Variants in KCNN3 observed in about 807,000 individuals in gnomAD.
The protein encoded by KCNN3 is potassium calcium-activated channel subfamily N member 3, also known as small conductance calcium-activated potassium channel protein 3.
Under a neutral mutation model 62.9 loss-of-function variants are expected in KCNN3, and 16 were observed. That is an observed-to-expected ratio of 0.25 (90% CI 0.17 to 0.39). The LOEUF is 0.39. Among genes scored for constraint, KCNN3 ranks in the 10% least tolerant of loss-of-function variants. The pLI is 1.00. For missense variants in KCNN3, 599 were observed against 949.4 expected (o/e 0.63, Z 4.85); for synonymous variants, 370 against 389.2 (o/e 0.95, Z 0.58).
At chr1:154,712,153 C>T (rs546648989) in intron 7 of KCNN3, among the ~76,000 whole-genome samples, 1 of 152,144 alleles carries the variant, frequency 6.6e-6, no homozygotes, top group Non-Finnish European at 1.5e-5. Context: ...AGGTCTAGTT[C>T]GAGTCAGTTC....
chr1:154,826,061 ACAAAAACAAAAACAAAAAC>A lies in KCNN3; in HGVS notation c.934-3896_934-3878del, dbSNP rs1176986224. Among the ~76,000 whole-genome samples, 36 of 86,758 alleles carry A rather than the reference ACAAAAACAAAAACAAAAAC, an allele frequency of 4.1e-4. 1 individual carries two copies. Among genetic ancestry groups the A allele is most frequent in the African/African-American group, 1.6e-3 (35 of 21,238 alleles). The allele number at this position is 86,758 out of a possible 152,430, so 56.9% of individuals were successfully genotyped here. A position where few individuals can be genotyped will look rare whatever the true frequency, so the allele number is the denominator to read the frequency against. ...GACTCCATCTTAAAAAAAAACAAAA[ACAAAAACAAAAACAAAAAC>A]AAAAACAAAAAAAACCAAAAAACAC... On this transcript the variant is annotated intron_variant, in intron 1 of 7. Transcript: ENST00000271915.
At chr1:154,736,901 A>G in intron 3 of KCNN3, 1 of 639,608 alleles carries the variant, frequency 1.6e-6, no homozygotes. Flanking sequence ...GAAGATCTTG[A>G]GAGTGTCCTT....
At chr1:154,842,898 C>T (rs1000465523) in intron 1 of KCNN3, among the ~76,000 whole-genome samples, 1 of 152,172 alleles carries the variant, frequency 6.6e-6, no homozygotes, top group African/African-American at 2.4e-5. Context: ...TTGCCACTTC[C>T]TCGCCATGTG....
chr1:154,815,434 C>T (rs1650623919), intron 2 of KCNN3, among the ~76,000 whole-genome samples: 1 of 152,208 alleles, frequency 6.6e-6, no homozygotes, highest in Admixed American at 6.5e-5. Context: ...GAAACCTGCC[C>T]AGCCTCTCTG....
At chr1:154,828,495 C>G (rs576102962) in intron 1 of KCNN3, among the ~76,000 whole-genome samples, 1 of 152,146 alleles carries the variant, frequency 6.6e-6, no homozygotes, top group Non-Finnish European at 1.5e-5. Context: ...GGGGGGCTAA[C>G]GAAGATGTTC....
At chr1:154,733,391 C>T (rs1324832055) in intron 3 of KCNN3, among the ~76,000 whole-genome samples, 1 of 152,158 alleles carries the variant, frequency 6.6e-6, no homozygotes, top group African/African-American at 2.4e-5. Context: ...AATGTTTTGT[C>T]ATGATTTGCA....
intron 2 of KCNN3, among the ~76,000 whole-genome samples, chr1:154,819,125 A>C (rs1004507514): frequency 5.9e-5 from 9 of 152,220 alleles, no homozygotes; most frequent in African/African-American, 2.2e-4. Flanking sequence ...TTGCCTGTGG[A>C]AGGGTGCTTG....
At chr1:154,825,365 T>A (rs1342706266) in intron 1 of KCNN3, among the ~76,000 whole-genome samples, 1 of 26,126 alleles carries the variant, frequency 3.8e-5, no homozygotes, top group Non-Finnish European at 7.1e-5. Context: ...ATGAGAATCA[T>A]TTTTTTTTTT....
chr1:154,810,086 C>T (rs1456254034), intron 2 of KCNN3, among the ~76,000 whole-genome samples: 1 of 152,010 alleles, frequency 6.6e-6, no homozygotes, highest in Non-Finnish European at 1.5e-5. Context: ...GAAGTGGGGG[C>T]ATTTAATCTA....
intron 1 of KCNN3, among the ~76,000 whole-genome samples, chr1:154,852,200 T>G (rs1558007504): frequency 1.5e-5 from 2 of 137,020 alleles, no homozygotes; most frequent in Non-Finnish European, 3.1e-5. Flanking sequence ...CTTGAGTGTG[T>G]GAATCTATTC....
In KCNN3 at chr1:154,708,001, G is replaced by A. The variant is rs144072589; in HGVS notation, c.2171C>T (p.Pro724Leu). The A allele has an allele frequency of 8.7e-6, 14 of 1,613,416 alleles. No homozygotes were observed. The highest frequency in any genetic ancestry group is 2.7e-5 in the African/African-American group (2 of 74,938). The change falls in exon 8 of 8, where the codon CCG (proline) becomes CTG (leucine). Residue 724 changes from proline to leucine, a missense_variant. Pro to Leu is a moderately conservative substitution (Grantham distance 98, BLOSUM62 -3). Coordinates refer to ENST00000271915, the MANE Select transcript of KCNN3 (RefSeq NM_002249.6). The stretch of plus-strand genomic sequence containing the variant: ...TTAGCAACTGCTTGAACTTGTGTAC[G>A]GGGTCGGGAAGGAGGTGGAGCTGAC... The part of the protein sequence containing the change: ...IGVSSTSFPT[P>L]YTSSSSC
intron 2 of KCNN3, among the ~76,000 whole-genome samples, chr1:154,789,407 G>T (rs1350485642): frequency 1.3e-5 from 2 of 151,914 alleles, no homozygotes; most frequent in African/African-American, 4.9e-5. Context: ...GGATATTTTG[G>T]CAGGGTGGTG....
At chr1:154,816,943 C>T (rs1343757301) in intron 2 of KCNN3, among the ~76,000 whole-genome samples, 2 of 152,214 alleles carry the variant, frequency 1.3e-5, no homozygotes, top group African/African-American at 2.4e-5. Context: ...TACCCAGGAC[C>T]CTGTCCTTGA....
chr1:154,859,996 G>A (rs548620379), intron 1 of KCNN3: 31 of 246,402 alleles, frequency 1.3e-4, no homozygotes, highest in Admixed American at 3.3e-4. Flanking sequence ...ATACAACTCT[G>A]GTTACCCTGT....
At chr1:154,845,601 G>A (rs1652022014) in intron 1 of KCNN3, among the ~76,000 whole-genome samples, 1 of 152,190 alleles carries the variant, frequency 6.6e-6, no homozygotes, top group Admixed American at 6.5e-5. Context: ...GTCTGCTTCT[G>A]CAACGGACGC....
intron 2 of KCNN3, among the ~76,000 whole-genome samples, chr1:154,810,083 G>A (rs1196534744): frequency 6.6e-6 from 1 of 152,146 alleles, no homozygotes; most frequent in Non-Finnish European, 1.5e-5. Flanking sequence ...AGGGAAGTGG[G>A]GGCATTTAAT....
At chr1:154,711,913 A>C (rs1700084778) in intron 7 of KCNN3, among the ~76,000 whole-genome samples, 1 of 151,776 alleles carries the variant, frequency 6.6e-6, no homozygotes, top group Admixed American at 6.6e-5. Context: ...AGAGAGGGAG[A>C]GGAAGAGAGA....
At chr1:154,763,238 T>C (rs928797302) in intron 3 of KCNN3, among the ~76,000 whole-genome samples, 1 of 152,208 alleles carries the variant, frequency 6.6e-6, no homozygotes, top group East Asian at 1.9e-4. Context: ...ATCTTTTGGA[T>C]TTATAAATTA....
intron 2 of KCNN3, among the ~76,000 whole-genome samples, chr1:154,807,432 G>A (rs1270870114): frequency 1.3e-5 from 2 of 152,138 alleles, no homozygotes; most frequent in African/African-American, 2.4e-5. Context: ...GAAGCCCCCC[G>A]CACAAAGTCG....
Sources: gnomAD v4.1 joint callset for allele counts (sites outside exome capture counted in the v4.1 genomes callset) on GRCh38, gnomAD v4.1.1 for gene constraint, MANE v1.5 for transcripts, NCBI Gene and HGNC (gene_info 2026-07-23, HGNC 2026-07-21) for gene names.